Variants in CMBL observed in about 807,000 individuals in gnomAD.
CMBL encodes carboxymethylenebutenolidase homolog (Pseudomonas).
Under a neutral mutation model 28.7 loss-of-function variants are expected in CMBL, and 17 were observed. The observed-to-expected ratio is 0.59, with a 90% confidence interval of 0.41 to 0.89. The LOEUF is 0.89. Ranked by LOEUF, CMBL falls within the 40% of genes least tolerant of loss-of-function variation. The pLI, the probability that CMBL is intolerant of heterozygous loss-of-function variation, is 0.00. For missense variants in CMBL, 310 were observed against 298.5 expected, an observed-to-expected ratio of 1.04 and a Z score of -0.28; for synonymous variants, 106 against 101.6, an observed-to-expected ratio of 1.04 and a Z score of -0.26.
Position 10,300,396 on chromosome 5 carries a change from A to T in CMBL, c.-20+7229T>A, listed in dbSNP as rs183710162. Among the ~76,000 whole-genome samples the T allele has an allele frequency of 2.0e-5, 3 of 152,336 alleles. No individual in the cohort carries two copies. The East Asian group carries it at 5.8e-4, about 29-fold the overall frequency. On this transcript the variant is annotated intron_variant, in intron 1 of 5. Coordinates refer to ENST00000296658, the MANE Select transcript of CMBL (RefSeq NM_138809.4). The stretch of plus-strand genomic sequence containing the variant: ...AACTATGAGGCACTGTGTTGCTTTA[A>T]GTCACCCAGTATCTGGTAATGTTAT...
At position 10,278,455 on chromosome 5, in the gene CMBL, C is replaced by T. The variant is rs1018005460; in HGVS notation, c.*1998G>A. Reference sequence around the variant, plus strand: ...CCACACCGACCCCTCTCAGTCACAGCGTGAGTCCCCGGGGCTCATGCCTGC... The same window carrying T: ...CCACACCGACCCCTCTCAGTCACAGTGTGAGTCCCCGGGGCTCATGCCTGC... On this transcript the variant is annotated 3_prime_UTR_variant, in exon 6 of 6. Coordinates refer to ENST00000296658, the MANE Select transcript of CMBL (RefSeq NM_138809.4). 6.6e-6 allele frequency among the ~76,000 whole-genome samples: 1 copy of T among 152,064 alleles called. No homozygotes were observed. Among genetic ancestry groups the T allele is most frequent in the Non-Finnish European group, 1.5e-5 (1 of 68,012 alleles).
chr5:10,288,509 A>G lies in CMBL; in HGVS notation c.236T>C (p.Phe79Ser). The change falls in exon 3 of 6, where the codon TTT (phenylalanine) becomes TCT (serine). Residue 79 changes from phenylalanine to serine, a missense_variant. By Grantham distance (155) the Phe-to-Ser change is radical. Transcript: ENST00000296658. Reference protein sequence around the residue: ...NGYTTIVPDFFVGQEPWDPSG... With the variant: ...NGYTTIVPDFSVGQEPWDPSG... ...GGGGTCCCAAGGCTCTTGCCCTACA[A>G]AGAAGTCTGGAACAATGGTTCTGCA... 1 of 1,613,650 alleles carries G rather than the reference A, an allele frequency of 6.2e-7. No homozygotes were observed.
At chr5:10,298,247 T>A (rs756473055) in intron 1 of CMBL, among the ~76,000 whole-genome samples, 3 of 152,104 alleles carry the variant, frequency 2.0e-5, no homozygotes, top group Non-Finnish European at 2.9e-5. Context: ...GCTAGAAATC[T>A]AAGTAGGAAA....
chr5:10,305,310 T>C (rs1241721573), intron 1 of CMBL, among the ~76,000 whole-genome samples: 1 of 152,126 alleles, frequency 6.6e-6, no homozygotes, highest in East Asian at 2.0e-4. Flanking sequence ...GCTGCATATG[T>C]GTGAATGACT....
intron 1 of CMBL, among the ~76,000 whole-genome samples, chr5:10,304,171 G>A (rs1179129609): frequency 6.6e-6 from 1 of 151,610 alleles, no homozygotes; most frequent in Non-Finnish European, 1.5e-5. Context: ...GACCTGCCTG[G>A]GCAACACAGG....
At chr5:10,291,631 A>G (rs1248452886) in intron 1 of CMBL, among the ~76,000 whole-genome samples, 1 of 151,204 alleles carries the variant, frequency 6.6e-6, no homozygotes, top group Non-Finnish European at 1.5e-5. Context: ...ACTGCACTCC[A>G]GCCTGGGGGA....
In CMBL at chr5:10,280,546, CACGA is replaced by C; in HGVS notation, c.641_644del (p.Phe214CysfsTer23). 1 of 1,613,974 alleles carries C rather than the reference CACGA, an allele frequency of 6.2e-7. No individual in the cohort carries two copies. The highest frequency in any genetic ancestry group is 2.2e-5 in the East Asian group (1 of 44,882). ...GTGAGCAATCTTCTCTCTTCCGATG[CACGA>C]ACCCATGAGTCTGCCCAGAAAATGT... On this transcript the variant is annotated frameshift_variant, in exon 6 of 6. Coordinates refer to ENST00000296658, the MANE Select transcript of CMBL (RefSeq NM_138809.4). LOFTEE classifies it high-confidence loss of function.
intron 3 of CMBL, 62 bp downstream of exon 3, chr5:10,288,360 C>T (rs1216307147): frequency 2.5e-6 from 3 of 1,191,106 alleles, no homozygotes; most frequent in Non-Finnish European, 3.8e-6. Context: ...AAGGTGAAGC[C>T]CACCCAGCTC....
intron 1 of CMBL, among the ~76,000 whole-genome samples, chr5:10,304,105 A>T (rs2662525): frequency 6.6e-6 from 1 of 151,822 alleles, no homozygotes; most frequent in East Asian, 1.9e-4. Context: ...TCATGCCTAT[A>T]CTCCCAACAC....
chr5:10,296,077 C>A (rs1183883006), intron 1 of CMBL, among the ~76,000 whole-genome samples: 2 of 152,070 alleles, frequency 1.3e-5, no homozygotes, highest in African/African-American at 4.8e-5. Flanking sequence ...AATGAGTCAA[C>A]AATATATATT....
intron 1 of CMBL, among the ~76,000 whole-genome samples, chr5:10,295,815 C>T (rs1282485744): frequency 6.6e-6 from 1 of 152,220 alleles, no homozygotes; most frequent in Non-Finnish European, 1.5e-5. Context: ...GCCCAACTGC[C>T]CACAACACTC....
At chr5:10,294,696 G>A (rs897354279) in intron 1 of CMBL, among the ~76,000 whole-genome samples, 2 of 152,246 alleles carry the variant, frequency 1.3e-5, no homozygotes, top group African/African-American at 2.4e-5. Flanking sequence ...ACACCAGGAC[G>A]GTGATGGTGA....
chr5:10,301,687 C>T (rs1351437825), intron 1 of CMBL, among the ~76,000 whole-genome samples: 14 of 146,386 alleles, frequency 9.6e-5, no homozygotes, highest in Non-Finnish European at 1.5e-4. Context: ...CTGCAAACTC[C>T]GCCTCCCAGG....
At chr5:10,284,111 CTT>C (rs542121187) in intron 4 of CMBL, among the ~76,000 whole-genome samples, 64 of 152,340 alleles carry the variant, frequency 4.2e-4, no homozygotes, top group African/African-American at 1.4e-3. Context: ...GGATGGGCCT[CTT>C]TTGATATCCC....
In CMBL at chr5:10,281,138, G is replaced by A. The variant is rs192543701; in HGVS notation, c.559-506C>T. Among the ~76,000 whole-genome samples the A allele has an allele frequency of 2.6e-5, 4 of 152,258 alleles. No individual in the cohort carries two copies. The East Asian group carries it at 7.7e-4, about 29-fold the overall frequency. Reference sequence around the variant, plus strand: ...GGCAAAGGAGAGATTTCAGGGAAATGGAAAAATGATACATCTATTATTTGA... The same window carrying A: ...GGCAAAGGAGAGATTTCAGGGAAATAGAAAAATGATACATCTATTATTTGA... On this transcript the variant is annotated intron_variant, in intron 5 of 5. Transcript: ENST00000296658.
intron 3 of CMBL, among the ~76,000 whole-genome samples, chr5:10,287,741 C>T (rs535047716): frequency 2.6e-5 from 4 of 151,102 alleles, no homozygotes; most frequent in South Asian, 2.1e-4. Context: ...GATGGAGTCT[C>T]GCTCTGTCCC....
chr5:10,297,954 C>T (rs1188583234), intron 1 of CMBL, among the ~76,000 whole-genome samples: 3 of 152,034 alleles, frequency 2.0e-5, no homozygotes, highest in Admixed American at 6.6e-5. Flanking sequence ...GGGTGAGAGG[C>T]GGGACGAGGG....
At chr5:10,282,503 C>T (rs1746513412) in intron 4 of CMBL, among the ~76,000 whole-genome samples, 1 of 152,200 alleles carries the variant, frequency 6.6e-6, no homozygotes, top group Non-Finnish European at 1.5e-5. Flanking sequence ...TAAAAGAAGG[C>T]CGGGCGCGGT....
At chr5:10,292,929 A>C (rs1340465545) in intron 1 of CMBL, among the ~76,000 whole-genome samples, 1 of 152,296 alleles carries the variant, frequency 6.6e-6, no homozygotes, top group East Asian at 1.9e-4. Context: ...TGGAGAACAC[A>C]GTCTTTACAA....
Sources: gnomAD v4.1 joint callset for allele counts (sites outside exome capture counted in the v4.1 genomes callset) on GRCh38, gnomAD v4.1.1 for gene constraint, MANE v1.5 for transcripts, NCBI Gene and HGNC (gene_info 2026-07-23, HGNC 2026-07-21) for gene names.